NTM: variants seen among roughly 807,000 people sequenced by gnomAD.
NTM encodes the protein neurotrimin, also known as IgLON family member 2.
A neutral mutation model predicts 42.1 loss-of-function variants in NTM; 13 were observed. That is an observed-to-expected ratio of 0.31 (90% CI 0.20 to 0.49). The LOEUF (loss-of-function observed/expected upper bound fraction) is 0.49, where lower values mean the gene tolerates loss of function less well. NTM is among the 20% of genes least tolerant of loss of function. The pLI is 0.99. For missense variants in NTM, 373 were observed against 452.8 expected (o/e 0.82, Z 1.60); for synonymous variants, 187 against 179.2 (o/e 1.04, Z -0.35).
Position 131,784,074 on chromosome 11 carries a change from A to G in NTM, c.83-127490A>G, listed in dbSNP as rs549203997. On this transcript the variant is annotated intron_variant, in intron 1 of 8. Transcript: ENST00000683400. ...CAAGTCAAAAAGAAAATGCAAACTG[A>G]AACCACAATGAACGCCTCTTCCCAC... Among the ~76,000 whole-genome samples the G allele has an allele frequency of 4.6e-5, 7 of 152,308 alleles. No individual in the cohort carries two copies. The East Asian group carries it at 1.4e-3, about 29-fold the overall frequency.
intron 2 of NTM, among the ~76,000 whole-genome samples, chr11:132,026,421 G>A (rs1164617683): frequency 1.3e-5 from 2 of 152,190 alleles, no homozygotes; most frequent in Non-Finnish European, 2.9e-5. Context: ...ATCCCTGGCT[G>A]TCAGGTCACT....
chr11:131,994,017 A>AAAGG (rs1555209840), intron 2 of NTM, among the ~76,000 whole-genome samples: 4 of 137,998 alleles, frequency 2.9e-5, no homozygotes, highest in Non-Finnish European at 6.1e-5. Flanking sequence ...AAAAAAAAAA[A>AAAGG]AAGAAGAAGA....
At chr11:131,752,576 A>G (rs1342205788) in intron 1 of NTM, among the ~76,000 whole-genome samples, 1 of 152,188 alleles carries the variant, frequency 6.6e-6, no homozygotes, top group Non-Finnish European at 1.5e-5. Context: ...GTTGCTATAA[A>G]GACACATGCA....
At position 132,003,048 on chromosome 11, in the gene NTM, T is replaced by C. The variant is rs191698706; in HGVS notation, c.167+91400T>C. Among the ~76,000 whole-genome samples the C allele has an allele frequency of 1.7e-3, 253 of 152,268 alleles. 1 individual carries two copies. The highest frequency in any genetic ancestry group is 3.0e-3 in the Non-Finnish European group (206 of 68,022). ...TAGAAGTTAGGGTTAGGAAAGTAACTAGTGAGCGCACTAAACAGTAAGATG... is the reference window on the plus strand; with the variant it reads ...TAGAAGTTAGGGTTAGGAAAGTAACCAGTGAGCGCACTAAACAGTAAGATG... On this transcript the variant is annotated intron_variant, in intron 2 of 8. Transcript: ENST00000683400. This position sits in a 1 kb window ranked among gnomAD's most constrained non-coding sequence, Gnocchi z 6.0.
intron 1 of NTM, among the ~76,000 whole-genome samples, chr11:131,472,771 T>C (rs1029154061): frequency 1.3e-5 from 2 of 152,084 alleles, no homozygotes; most frequent in African/African-American, 2.4e-5. Flanking sequence ...ACCCACTTGA[T>C]AGATAAAGAA....
At chr11:131,401,815 T>C (rs1291877002) in intron 1 of NTM, among the ~76,000 whole-genome samples, 1 of 32,292 alleles carries the variant, frequency 3.1e-5, no homozygotes, top group Non-Finnish European at 5.6e-5. Context: ...TATATATATA[T>C]ATATATATAT....
Position 132,196,783 on chromosome 11 carries a change from G to A in NTM, c.401-15239G>A, listed in dbSNP as rs116274978. On this transcript the variant is annotated intron_variant, in intron 3 of 8. Coordinates refer to ENST00000683400, the MANE Select transcript of NTM (RefSeq NM_001352005.2). The stretch of plus-strand genomic sequence containing the variant: ...TGTAGTGACTACTTGAGAGGGGGAG[G>A]ATGGGAGAAAGATATGGGGTGAAAA... 3.2e-3 allele frequency among the ~76,000 whole-genome samples: 483 copies of A among 152,198 alleles called. 5 individuals carry two copies. The highest frequency in any genetic ancestry group is 0.011 in the African/African-American group (445 of 41,540).
chr11:132,149,808 G>A (rs955107642), intron 3 of NTM, among the ~76,000 whole-genome samples: 2 of 152,186 alleles, frequency 1.3e-5, no homozygotes, highest in African/African-American at 2.4e-5. Flanking sequence ...CGGCAGAAAG[G>A]AGGAGACAAG....
chr11:131,931,447 A>C (rs693537), intron 2 of NTM, among the ~76,000 whole-genome samples: 10 of 150,330 alleles, frequency 6.7e-5, no homozygotes, highest in African/African-American at 2.0e-4. Flanking sequence ...TCAAAAAAAA[A>C]AATAATAATA....
chr11:132,318,529 C>T (rs113968609), intron 7 of NTM, among the ~76,000 whole-genome samples: 187 of 152,290 alleles, frequency 1.2e-3, no homozygotes, highest in African/African-American at 4.3e-3. Flanking sequence ...ATATCTCCCG[C>T]GTCTCTTGCC....
chr11:132,335,224 G>A lies in NTM; in HGVS notation c.*78G>A. 2 of 1,488,490 alleles carry A rather than the reference G, an allele frequency of 1.3e-6. No homozygotes were observed. The highest frequency in any genetic ancestry group is 2.3e-5 in the South Asian group (2 of 86,002). The allele number at this position is 1,488,490 out of a possible 1,614,324, so 92.2% of individuals were successfully genotyped here. A position where few individuals can be genotyped will look rare whatever the true frequency, so the allele number is the denominator to read the frequency against. ...CACAACAGCAATGGCAACACCGACA[G>A]CAACCAATCAGATATATACAAATGA... is the stretch of plus-strand genomic sequence containing the variant. On this transcript the variant is annotated 3_prime_UTR_variant, in exon 9 of 9. Coordinates refer to ENST00000683400, the MANE Select transcript of NTM (RefSeq NM_001352005.2).
At position 132,330,154 on chromosome 11, in the gene NTM, A is replaced by C; in HGVS notation, c.936A>C (p.Glu312Asp). The C allele has an allele frequency of 1.3e-6, 2 of 1,551,740 alleles. No individual in the cohort carries two copies. Among genetic ancestry groups the C allele is most frequent in the Non-Finnish European group, 1.7e-6 (2 of 1,146,986 alleles). ...TGGCTTGTTTTTAATTTCTTTTAGA[A>C]GTGAAAACTACAGCCCTGACCCCTT... Reference protein sequence around the residue: ...GHTNASIMLFEVKTTALTPWK... With the variant: ...GHTNASIMLFDVKTTALTPWK... The change falls in exon 8 of 9, where the codon GAA (glutamate) becomes GAC (aspartate). Residue 312 changes from glutamate to aspartate, a missense_variant and splice_region_variant. Physicochemically the swap from Glu to Asp is conservative, Grantham distance 45. Around this residue, in one of 3 missense-constraint regions of NTM, gnomAD observed 312 missense variants for 353.5 expected, o/e 0.88. Coordinates refer to ENST00000683400, the MANE Select transcript of NTM (RefSeq NM_001352005.2).
At chr11:132,044,971 C>A (rs1339380939) in intron 2 of NTM, among the ~76,000 whole-genome samples, 1 of 152,172 alleles carries the variant, frequency 6.6e-6, no homozygotes, top group African/African-American at 2.4e-5. Flanking sequence ...AGTACCATTC[C>A]TATTGAAAAT....
At chr11:131,723,405 T>G (rs746556434) in intron 1 of NTM, among the ~76,000 whole-genome samples, 1 of 152,370 alleles carries the variant, frequency 6.6e-6, no homozygotes, top group Middle Eastern at 3.4e-3. Flanking sequence ...TTCAGTCTTC[T>G]CCATGGAGGT....
At chr11:132,192,020 A>G (rs2138275381) in intron 3 of NTM, among the ~76,000 whole-genome samples, 2 of 152,330 alleles carry the variant, frequency 1.3e-5, no homozygotes, top group East Asian at 3.9e-4. Flanking sequence ...GGGATTCTGT[A>G]AAGAGACCAA....
intron 2 of NTM, among the ~76,000 whole-genome samples, chr11:132,108,690 T>A (rs10466626): frequency 0.69 from 105,149 of 152,012 alleles, 37,167 homozygotes; most frequent in African/African-American, 0.77. Context: ...ATAAAAAATT[T>A]AAAAAAAATT....
At chr11:131,905,416 A>G (rs1020691715) in intron 1 of NTM, among the ~76,000 whole-genome samples, 5 of 152,114 alleles carry the variant, frequency 3.3e-5, no homozygotes, top group African/African-American at 4.8e-5. Context: ...TTGTATGAGC[A>G]CCGTCTGAGG....
intron 2 of NTM, among the ~76,000 whole-genome samples, chr11:132,013,594 G>A (rs2072722223): frequency 1.3e-5 from 2 of 152,104 alleles, no homozygotes; most frequent in South Asian, 4.1e-4. Flanking sequence ...CCTGCTGAGA[G>A]AAGAGTGGCA....
intron 1 of NTM, among the ~76,000 whole-genome samples, chr11:131,388,334 C>T (rs772639675): frequency 6.6e-6 from 1 of 151,714 alleles, no homozygotes; most frequent in Non-Finnish European, 1.5e-5. Context: ...AATAAAAATC[C>T]AGGACACCAG....
Sources: allele counts gnomAD v4.1 joint callset (sites outside exome capture counted in the v4.1 genomes callset), GRCh38; gene constraint gnomAD v4.1.1; regional missense constraint gnomAD v4.1.1; non-coding constraint Gnocchi (gnomAD v3.1); transcripts MANE v1.5; gene names NCBI Gene and HGNC (gene_info 2026-07-23, HGNC 2026-07-21).